Variants in C1orf87 observed in about 807,000 individuals in gnomAD.
C1orf87 encodes uncharacterized protein C1orf87.
C1orf87 carries 58 observed loss-of-function variants against 60.5 expected under a neutral mutation model. The ratio of observed to expected loss-of-function variants is 0.96; its 90% confidence interval spans 0.78 to 1.19. The LOEUF (loss-of-function observed/expected upper bound fraction) is 1.19. Among genes scored for constraint, C1orf87 ranks in the 50% most tolerant of loss-of-function variants. C1orf87 has a pLI of 0.00. For synonymous variants in C1orf87, 236 were observed against 227.4 expected (o/e 1.04, Z -0.34); for missense variants, 673 against 638.6 (o/e 1.05, Z -0.58).
At chr1:60,051,114 T>C (rs536613345) in intron 3 of C1orf87, among the ~76,000 whole-genome samples, 1 of 152,296 alleles carries the variant, frequency 6.6e-6, no homozygotes, top group Admixed American at 6.5e-5. Flanking sequence ...GGAACAGAAC[T>C]CTATTTATGG....
intron 10 of C1orf87, among the ~76,000 whole-genome samples, chr1:59,998,154 A>T (rs1210687695): frequency 7.4e-6 from 1 of 134,612 alleles, no homozygotes; most frequent in African/African-American, 2.8e-5. Flanking sequence ...TGCAGGGGGT[A>T]GACTTCAGAC....
intron 2 of C1orf87, among the ~76,000 whole-genome samples, chr1:60,055,739 G>T (rs988618193): frequency 2.0e-5 from 3 of 152,030 alleles, no homozygotes; most frequent in Non-Finnish European, 2.9e-5. Context: ...AACCCTAAAG[G>T]TTATCACATT....
At chr1:60,009,134 A>G (rs1447762953) in intron 9 of C1orf87, among the ~76,000 whole-genome samples, 1 of 152,128 alleles carries the variant, frequency 6.6e-6, no homozygotes, top group Non-Finnish European at 1.5e-5. Context: ...AATCAAGTTA[A>G]GATGAAGTCA....
chr1:60,059,882 AG>A (rs1375056215), intron 2 of C1orf87, among the ~76,000 whole-genome samples: 1 of 152,206 alleles, frequency 6.6e-6, no homozygotes, highest in Non-Finnish European at 1.5e-5. Context: ...AGTAAATGAA[AG>A]CATGTTCTTA....
chr1:60,022,203 T>C (rs1213340781), intron 8 of C1orf87, among the ~76,000 whole-genome samples: 1 of 150,814 alleles, frequency 6.6e-6, no homozygotes, highest in Non-Finnish European at 1.5e-5. Flanking sequence ...GGTTTTTTAA[T>C]AGACAACAAT....
chr1:60,066,588 A>G (rs1574331594), intron 2 of C1orf87, among the ~76,000 whole-genome samples: 2 of 152,158 alleles, frequency 1.3e-5, no homozygotes, highest in South Asian at 4.1e-4. Context: ...GAAGTCTTGG[A>G]ACCCTCAAAG....
chr1:60,006,088 CCTT>C (rs1645043315), intron 9 of C1orf87, among the ~76,000 whole-genome samples: 1 of 152,022 alleles, frequency 6.6e-6, no homozygotes, highest in Admixed American at 6.6e-5. Flanking sequence ...AAAGTTCTCT[CCTT>C]CTTAGGAGAA....
chr1:60,045,186 T>TA (rs1645357334), intron 3 of C1orf87, among the ~76,000 whole-genome samples: 1 of 152,168 alleles, frequency 6.6e-6, no homozygotes, highest in African/African-American at 2.4e-5. Flanking sequence ...TTCTGTTTCT[T>TA]AAACAATTTA....
At chr1:60,011,665 A>G (rs1176362242) in intron 8 of C1orf87, among the ~76,000 whole-genome samples, 1 of 152,142 alleles carries the variant, frequency 6.6e-6, no homozygotes, top group African/African-American at 2.4e-5. Flanking sequence ...GTGAAAATGA[A>G]GAGCAAGTTG....
At chr1:60,006,638 G>A (rs1390846910) in intron 9 of C1orf87, among the ~76,000 whole-genome samples, 1 of 151,974 alleles carries the variant, frequency 6.6e-6, no homozygotes, top group Non-Finnish European at 1.5e-5. Context: ...AGGCTCCACA[G>A]TGAAGAGATT....
chr1:60,057,853 C>T lies in C1orf87; in HGVS notation c.108-2415G>A, dbSNP rs191518781. On this transcript the variant is annotated intron_variant, in intron 2 of 11. Coordinates refer to ENST00000371201, the MANE Select transcript of C1orf87 (RefSeq NM_152377.3). ...AGAAAAATAAGACAGGTTGGCTGGG[C>T]CAACTGAGTGGCCAGTTAAGGTTAA... Among the ~76,000 whole-genome samples the T allele has an allele frequency of 7.2e-5, 11 of 152,192 alleles. 1 individual carries two copies. The East Asian group carries it at 2.1e-3, about 29-fold the overall frequency.
intron 8 of C1orf87, among the ~76,000 whole-genome samples, chr1:60,013,068 T>A (rs1645100208): frequency 1.3e-5 from 2 of 152,122 alleles, no homozygotes; most frequent in Admixed American, 1.3e-4. Flanking sequence ...CCTGAATAAT[T>A]GCCTTTGTCT....
At chr1:60,029,612 C>A (rs1454700720) in intron 7 of C1orf87, among the ~76,000 whole-genome samples, 1 of 150,138 alleles carries the variant, frequency 6.7e-6, no homozygotes, top group African/African-American at 2.5e-5. Context: ...GAACACTTTT[C>A]CCATCTCTTC....
chr1:60,065,089 C>T (rs571512894), intron 2 of C1orf87, among the ~76,000 whole-genome samples: 3 of 52,998 alleles, frequency 5.7e-5, no homozygotes, highest in Non-Finnish European at 1.3e-4. Flanking sequence ...ATTTGTTCTG[C>T]CCCCTAGAGA....
intron 3 of C1orf87, among the ~76,000 whole-genome samples, chr1:60,044,112 C>T (rs1206324987): frequency 6.6e-6 from 1 of 152,230 alleles, no homozygotes; most frequent in Non-Finnish European, 1.5e-5. Flanking sequence ...TCACTGCAAG[C>T]TCTGCCTCCC....
At chr1:60,005,130 A>G (rs958563288) in intron 9 of C1orf87, among the ~76,000 whole-genome samples, 9 of 152,120 alleles carry the variant, frequency 5.9e-5, no homozygotes, top group Admixed American at 1.3e-4. Flanking sequence ...GGAAACTCAT[A>G]TATGTCAAAT....
chr1:60,060,773 A>C (rs1271177306), intron 2 of C1orf87, among the ~76,000 whole-genome samples: 2 of 152,158 alleles, frequency 1.3e-5, no homozygotes, highest in South Asian at 2.1e-4. Flanking sequence ...TTAAAAAAAA[A>C]CAACCCAAAC....
chr1:60,017,422 G>GTGTA (rs750140491), intron 8 of C1orf87, among the ~76,000 whole-genome samples: 5 of 152,158 alleles, frequency 3.3e-5, no homozygotes, highest in Non-Finnish European at 5.9e-5. Flanking sequence ...TGGACCAGAT[G>GTGTA]TGTATGATAA....
At chr1:60,005,902 T>A (rs954322435) in intron 9 of C1orf87, among the ~76,000 whole-genome samples, 3 of 150,008 alleles carry the variant, frequency 2.0e-5, no homozygotes, top group Non-Finnish European at 4.5e-5. Flanking sequence ...TCCTACCCCA[T>A]CCCAGTGCAC....
Sources: allele counts gnomAD v4.1 joint callset (sites outside exome capture counted in the v4.1 genomes callset), GRCh38; gene constraint gnomAD v4.1.1; transcripts MANE v1.5; gene names NCBI Gene and HGNC (gene_info 2026-07-23, HGNC 2026-07-21).